The following PPP1R12B variants were observed in gnomAD, a reference collection of about 807,000 sequenced individuals.
PPP1R12B encodes myosin phosphatase target subunit 2.
Under a neutral mutation model 126.1 loss-of-function variants are expected in PPP1R12B, and 76 were observed. That is an observed-to-expected ratio of 0.60 (90% CI 0.50 to 0.73). The LOEUF (loss-of-function observed/expected upper bound fraction) is 0.73, where lower values mean the gene tolerates loss of function less well. Ranked by LOEUF, PPP1R12B falls within the 30% of genes least tolerant of loss-of-function variation. The pLI is 0.00. For missense variants in PPP1R12B, 1,052 were observed against 1,205.1 expected, an observed-to-expected ratio of 0.87 and a Z score of 1.88; for synonymous variants, 356 against 434.7, an observed-to-expected ratio of 0.82 and a Z score of 2.25.
At chr1:202,468,451 A>G (rs958631748) in intron 13 of PPP1R12B, among the ~76,000 whole-genome samples, 1 of 152,200 alleles carries the variant, frequency 6.6e-6, no homozygotes, top group Non-Finnish European at 1.5e-5. Context: ...ATGGCTAGCC[A>G]GTTGTTTTCT....
At chr1:202,436,547 T>C (rs1670845000) in intron 9 of PPP1R12B, among the ~76,000 whole-genome samples, 1 of 152,180 alleles carries the variant, frequency 6.6e-6, no homozygotes, top group Non-Finnish European at 1.5e-5. Context: ...GCTTAAATCT[T>C]CTTGAAAAGG....
rs182664371 is a variant in PPP1R12B at position 202,446,606 on chromosome 1, C to T, written c.1668-2383C>T. On this transcript the variant is annotated intron_variant, in intron 12 of 23. Coordinates refer to ENST00000608999, the MANE Select transcript of PPP1R12B (RefSeq NM_002481.4). ...TAATATTATATATTATATAATAATA[C>T]TATATTGCTATTACTATAACTATTA... Among the ~76,000 whole-genome samples the T allele has an allele frequency of 2.2e-3, 322 of 148,772 alleles. 2 individuals carry two copies. The highest frequency in any genetic ancestry group is 7.6e-3 in the African/African-American group (312 of 40,806).
chr1:202,473,585 T>C (rs376808001), intron 13 of PPP1R12B, among the ~76,000 whole-genome samples: 2 of 152,340 alleles, frequency 1.3e-5, no homozygotes, highest in East Asian at 3.9e-4. Context: ...GAAGAATTTC[T>C]CTCTTTCACC....
chr1:202,414,820 C>T (rs527689100), intron 1 of PPP1R12B, among the ~76,000 whole-genome samples: 97 of 152,272 alleles, frequency 6.4e-4, no homozygotes, highest in African/African-American at 2.3e-3. Flanking sequence ...CATGGTCTTG[C>T]CCTGTCACTC....
chr1:202,537,369 A>G (rs192174109), intron 18 of PPP1R12B, among the ~76,000 whole-genome samples: 266 of 151,928 alleles, frequency 1.8e-3, no homozygotes, highest in African/African-American at 6.0e-3. Context: ...AAAAAAAAAG[A>G]AAAAGTAAAT....
At chr1:202,439,392 G>A in intron 10 of PPP1R12B, 2 of 1,227,798 alleles carry the variant, frequency 1.6e-6, no homozygotes, top group Non-Finnish European at 2.4e-6. Context: ...GAAGCACGCG[G>A]CACAGCGGAG....
intron 1 of PPP1R12B, among the ~76,000 whole-genome samples, chr1:202,379,073 A>G (rs138209310): frequency 1.1e-4 from 17 of 152,064 alleles, no homozygotes; most frequent in Non-Finnish European, 2.5e-4. Context: ...TCTGACCCTG[A>G]CCTGTTTAGA....
chr1:202,579,308 C>T (rs1462990730), intron 23 of PPP1R12B, among the ~76,000 whole-genome samples: 1 of 152,204 alleles, frequency 6.6e-6, no homozygotes, highest in Admixed American at 6.5e-5. Flanking sequence ...AAATAGGCCT[C>T]ATAACACCTC....
At chr1:202,401,196 CTTTTTTTTT>C (rs796448303) in intron 1 of PPP1R12B, among the ~76,000 whole-genome samples, 3 of 145,072 alleles carry the variant, frequency 2.1e-5, no homozygotes, top group African/African-American at 7.6e-5. Context: ...TCTTTTTTCT[CTTTTTTTTT>C]TAGAGACAGG....
At chr1:202,354,680 G>A (rs896163202) in intron 1 of PPP1R12B, among the ~76,000 whole-genome samples, 1 of 150,982 alleles carries the variant, frequency 6.6e-6, no homozygotes, top group African/African-American at 2.4e-5. Flanking sequence ...ACAGAGTCTC[G>A]CTCTGTCAGC....
chr1:202,439,275 C>T, intron 10 of PPP1R12B: 2 of 1,418,710 alleles, frequency 1.4e-6, no homozygotes, highest in Middle Eastern at 3.7e-4. Flanking sequence ...AGGCAAGATA[C>T]TGGCCCAGCA....
At chr1:202,418,260 T>C (rs1450286160) in intron 2 of PPP1R12B, among the ~76,000 whole-genome samples, 1 of 152,170 alleles carries the variant, frequency 6.6e-6, no homozygotes, top group Non-Finnish European at 1.5e-5. Context: ...TAAGAAACAT[T>C]TATAGAACAT....
At chr1:202,512,093 A>G (rs536414347) in intron 18 of PPP1R12B, among the ~76,000 whole-genome samples, 1 of 152,344 alleles carries the variant, frequency 6.6e-6, no homozygotes, top group African/African-American at 2.4e-5. Flanking sequence ...ACCAAAAAGC[A>G]TAATTAAAGC....
intron 13 of PPP1R12B, among the ~76,000 whole-genome samples, chr1:202,485,012 C>T (rs936818169): frequency 1.3e-5 from 2 of 152,128 alleles, no homozygotes; most frequent in African/African-American, 4.8e-5. Context: ...GGTTCTGCAG[C>T]GGTCTGAGGG....
rs80275493 is a variant in PPP1R12B at position 202,445,951 on chromosome 1, A to G, written c.1668-3038A>G. Among the ~76,000 whole-genome samples the G allele has an allele frequency of 3.1e-3, 466 of 152,058 alleles. 4 individuals are homozygous for G. Among genetic ancestry groups the G allele is most frequent in the African/African-American group, 0.011 (447 of 41,470 alleles). On this transcript the variant is annotated intron_variant, in intron 12 of 23. Transcript: ENST00000608999. The stretch of plus-strand genomic sequence containing the variant: ...TGATAAAGAAAATGAAAAAAATCTT[A>G]ATGATAGTGTTGTTGCAGGAACACC...
chr1:202,567,517 TG>T (rs1688170518), intron 21 of PPP1R12B: 4 of 469,474 alleles, frequency 8.5e-6, no homozygotes. Context: ...GATTGTGTGT[TG>T]TAAGTAATTT....
At chr1:202,579,789 G>T (rs1328726806) in intron 23 of PPP1R12B, among the ~76,000 whole-genome samples, 1 of 152,102 alleles carries the variant, frequency 6.6e-6, no homozygotes, top group Non-Finnish European at 1.5e-5. Context: ...CTGTCAGTGG[G>T]GAGCTTTGGG....
rs150829491 is a variant in PPP1R12B at position 202,562,840 on chromosome 1, G to A, written c.2570G>A (p.Arg857Lys). The change falls in exon 20 of 24, where the codon AGA becomes AAA. Residue 857 changes from arginine (R) to lysine (K), a missense_variant. Physicochemically the swap from Arg to Lys is conservative, Grantham distance 26 (BLOSUM62 2). Coordinates refer to ENST00000608999, the MANE Select transcript of PPP1R12B (RefSeq NM_002481.4). Reference sequence around the variant, plus strand: ...TCTTACGGTGACCGGGCTTCAGCAAGAGCCCGTCGGGAGGCCCGGGAGGCC... The same window carrying A: ...TCTTACGGTGACCGGGCTTCAGCAAAAGCCCGTCGGGAGGCCCGGGAGGCC... Reference protein sequence around the residue: ...SDSYGDRASARARREAREARL... With the variant: ...SDSYGDRASAKARREAREARL... 4.1e-4 allele frequency: 656 copies of A among 1,613,436 alleles called. 1 individual carries two copies. The African/African-American group carries it at 7.3e-3, about 18-fold the overall frequency.
chr1:202,395,423 C>T (rs186427916), intron 1 of PPP1R12B, among the ~76,000 whole-genome samples: 1 of 152,178 alleles, frequency 6.6e-6, no homozygotes, highest in Admixed American at 6.5e-5. Context: ...CCTCATTCAT[C>T]AAAGACTTAG....
Sources: gnomAD v4.1 joint callset for allele counts (sites outside exome capture counted in the v4.1 genomes callset) on GRCh38, gnomAD v4.1.1 for gene constraint, MANE v1.5 for transcripts, NCBI Gene and HGNC (gene_info 2026-07-23, HGNC 2026-07-21) for gene names.